The following PHKA2 variants were observed in gnomAD, a reference collection of about 807,000 sequenced individuals.
The protein encoded by PHKA2 is phosphorylase kinase regulatory subunit alpha 2.
PHKA2 carries 31 observed loss-of-function variants against 102.0 expected under a neutral mutation model. The observed-to-expected ratio is 0.30, with a 90% CI of 0.23 to 0.41. The LOEUF (loss-of-function observed/expected upper bound fraction) is 0.41. PHKA2 is among the 10% of genes least tolerant of loss of function. PHKA2 has a pLI of 1.00. For synonymous variants in PHKA2, 455 were observed against 416.2 expected (o/e 1.09, Z -1.13); for missense variants, 858 against 1,023.1 (o/e 0.84, Z 2.20).
chrX:18,940,190 A>C, intron 8 of PHKA2, 142 bp from the exon 9 acceptor site: 1 of 497,575 alleles, frequency 2.0e-6, no homozygotes. Context: ...ATAGTTATTA[A>C]TATATTTAAG....
chrX:18,935,320 T>C (rs1373104251), intron 11 of PHKA2, among the ~76,000 whole-genome samples: 1 of 112,228 alleles, frequency 8.9e-6, no homozygotes, highest in African/African-American at 3.2e-5. Flanking sequence ...CTCCCTGATG[T>C]AGAATGGCTT....
intron 6 of PHKA2, among the ~76,000 whole-genome samples, 186 bp downstream of exon 6, chrX:18,944,892 T>C (rs968145872): frequency 4.4e-5 from 5 of 112,462 alleles, no homozygotes; most frequent in African/African-American, 1.6e-4. Context: ...GATTTCAGCA[T>C]TGGAAACCTA....
chrX:18,906,967 T>C, intron 23 of PHKA2, 51 bp downstream of exon 23: 6 of 1,084,039 alleles, frequency 5.5e-6, no homozygotes, highest in Non-Finnish European at 7.6e-6. Context: ...GAAGCGCTGT[T>C]TTCCCCATGG....
rs756696951 is a variant in PHKA2, at chrX:18,900,608, C to A, written c.3057+62G>T. The A allele has an allele frequency of 3.0e-5, 32 of 1,071,580 alleles. No individual in the cohort carries two copies. The South Asian group carries it at 5.9e-4, about 20-fold the overall frequency. 88.3% of individuals were successfully genotyped at this position (1,071,580 alleles called of 1,213,427 possible). On this transcript the variant is annotated intron_variant, in intron 28 of 32. Transcript: ENST00000379942. ...CACACGCTGCGGAGTCACAGCCTCA[C>A]TTTCCACATTCAAGCCAGAAAGAAC...
At chrX:18,951,358 A>C in intron 3 of PHKA2, 86 bp from the exon 4 acceptor site, 1 of 961,760 alleles carries the variant, frequency 1.0e-6, no homozygotes, top group East Asian at 3.1e-5. Context: ...ACCTGGATCT[A>C]GAGCTCTTAT....
Position 18,899,160 on chromosome X carries a change from G to A in PHKA2, c.3111+13C>T, listed in dbSNP as rs759222341. ...GAGCGGGGACGGACACAATAATCCC[G>A]AGGCACTGTTACCGCAGACTTGGAG... On this transcript the variant is annotated intron_variant, in intron 29 of 32. Coordinates refer to ENST00000379942, the MANE Select transcript of PHKA2 (RefSeq NM_000292.3). 1.4e-5 allele frequency: 17 copies of A among 1,201,128 alleles called. No homozygotes were observed. In the East Asian group the frequency reaches 4.7e-4, roughly 33 times the overall value.
intron 5 of PHKA2, among the ~76,000 whole-genome samples, chrX:18,947,168 T>C (rs1023033423): frequency 3.6e-5 from 4 of 112,283 alleles, no homozygotes; most frequent in Admixed American, 1.9e-4. Context: ...GCTGCTTTCA[T>C]GCTACAAAGG....
chrX:18,919,731 A>C (rs1438833449), intron 18 of PHKA2, among the ~76,000 whole-genome samples: 27 of 103,569 alleles, frequency 2.6e-4, no homozygotes, highest in South Asian at 4.2e-4. Flanking sequence ...ACAACAACAA[A>C]AAAAAAAAAA....
intron 25 of PHKA2, 106 bp downstream of exon 25, chrX:18,906,389 G>A: frequency 4.0e-6 from 4 of 1,011,201 alleles, no homozygotes; most frequent in Non-Finnish European, 5.6e-6. Flanking sequence ...AGGCTTGGAT[G>A]CTGGGTTCGA....
rs769216361 is a variant in PHKA2 at position 18,978,342 on chromosome X, C to T, written c.78+5513G>A. Among the ~76,000 whole-genome samples, 7 of 111,040 alleles carry T rather than the reference C, an allele frequency of 6.3e-5. No homozygotes were observed. In the South Asian group the frequency reaches 1.9e-3, roughly 30 times the overall value. ...ATTTACCACACTTTTTTCTTTATTT[C>T]CTACCCTCCCCAGCAGCCTTTTCCT... On this transcript the variant is annotated intron_variant, in intron 1 of 32. Transcript: ENST00000379942.
chrX:18,964,454 G>A (rs2048911393), intron 1 of PHKA2, among the ~76,000 whole-genome samples: 1 of 112,425 alleles, frequency 8.9e-6, no homozygotes. Flanking sequence ...AGGGAAGAAA[G>A]TATAGTTCAA....
rs747642566 is a variant in PHKA2 at position 18,967,159 on chromosome X, T to C, written c.79-12747A>G. On this transcript the variant is annotated intron_variant, in intron 1 of 32. Coordinates refer to ENST00000379942, the MANE Select transcript of PHKA2 (RefSeq NM_000292.3). The stretch of plus-strand genomic sequence containing the variant: ...GCTGGAAGGAATGAGAAACTGGGGG[T>C]GGCTTTCTCTCATTTTCTCCTGGGG... Among the ~76,000 whole-genome samples, 260 of 110,234 alleles carry C rather than the reference T, an allele frequency of 2.4e-3. 1 individual carries two copies. The highest frequency in any genetic ancestry group is 3.9e-3 in the Non-Finnish European group (203 of 52,694).
At chrX:18,897,048 G>T in intron 30 of PHKA2, 115 bp downstream of exon 30, 1 of 879,069 alleles carries the variant, frequency 1.1e-6, no homozygotes, top group South Asian at 2.0e-5. Context: ...CAACAGCGCT[G>T]AGGCAGAGAA....
chrX:18,893,785 G>A, intron 32 of PHKA2, 130 bp from the exon 33 acceptor site: 1 of 622,639 alleles, frequency 1.6e-6, no homozygotes, highest in South Asian at 2.4e-5. Context: ...GGCCTTCTGA[G>A]AGGCTCCAAT....
At chrX:18,959,047 A>G (rs1024003848) in intron 1 of PHKA2, among the ~76,000 whole-genome samples, 2 of 111,440 alleles carry the variant, frequency 1.8e-5, no homozygotes, top group Non-Finnish European at 3.8e-5. Context: ...CACCATTTCT[A>G]CCTACAAAGA....
chrX:18,951,079 A>G, intron 4 of PHKA2, 25 bp downstream of exon 4: 2 of 1,206,720 alleles, frequency 1.7e-6, no homozygotes, highest in Non-Finnish European at 2.2e-6. Flanking sequence ...TCCTTATACA[A>G]TGGGCTCCAG....
At position 18,895,291 on chromosome X, in the gene PHKA2, G is replaced by A. The variant is rs2047520637; in HGVS notation, c.3283-100C>T. ...ATGCACACACAGCACCCTCTGCCCT[G>A]GAAACCCATATGAGGGCTGGGACAC... On this transcript the variant is annotated intron_variant, in intron 30 of 32. Transcript: ENST00000379942. The A allele has an allele frequency of 1.2e-5, 9 of 772,575 alleles. 1 individual carries two copies. The highest frequency in any genetic ancestry group is 6.6e-5 in the Admixed American group (3 of 45,239). 63.7% of individuals were successfully genotyped at this position (772,575 alleles called of 1,213,427 possible).
intron 17 of PHKA2, among the ~76,000 whole-genome samples, chrX:18,922,398 G>T (rs183437804): frequency 1.5e-3 from 166 of 112,051 alleles, no homozygotes; most frequent in African/African-American, 5.3e-3. Flanking sequence ...CACTAGTCCT[G>T]AAAGTGTATA....
At chrX:18,946,251 T>C (rs748651617) in intron 5 of PHKA2, among the ~76,000 whole-genome samples, 14 of 110,978 alleles carry the variant, frequency 1.3e-4, no homozygotes, top group Admixed American at 1.1e-3. Context: ...AATATAGAGA[T>C]TGAGACTCGG....
Sources: gnomAD v4.1 joint callset for allele counts (sites outside exome capture counted in the v4.1 genomes callset) on GRCh38, gnomAD v4.1.1 for gene constraint, MANE v1.5 for transcripts, NCBI Gene and HGNC (gene_info 2026-07-23, HGNC 2026-07-21) for gene names.